The following GOPC variants were observed in gnomAD, a reference collection of about 807,000 sequenced individuals.
GOPC encodes the protein Golgi-associated PDZ and coiled-coil motif-containing protein.
GOPC carries 32 observed loss-of-function variants against 51.2 expected under a neutral mutation model. The observed-to-expected ratio is 0.63, with a 90% CI of 0.47 to 0.84. The LOEUF (loss-of-function observed/expected upper bound fraction) is 0.84, where lower values mean the gene tolerates loss of function less well. GOPC is among the 40% of genes least tolerant of loss of function. The pLI is 0.00. For missense variants in GOPC, 441 were observed against 555.5 expected (o/e 0.79, Z 2.07); for synonymous variants, 190 against 205.1 (o/e 0.93, Z 0.63).
chr6:117,595,853 G>A (rs1780189491), intron 1 of GOPC, among the ~76,000 whole-genome samples: 1 of 152,120 alleles, frequency 6.6e-6, no homozygotes, highest in Non-Finnish European at 1.5e-5. Context: ...AGTTGTGCTA[G>A]TATAAACATG....
rs1034459610 is a variant in GOPC at position 117,590,773 on chromosome 6, T to G, written c.285+11231A>C. Among the ~76,000 whole-genome samples the G allele has an allele frequency of 2.5e-4, 38 of 152,094 alleles. 2 individuals are homozygous for G. Among genetic ancestry groups the G allele is most frequent in the African/African-American group, 9.2e-4 (38 of 41,410 alleles). On this transcript the variant is annotated intron_variant, in intron 1 of 8. Transcript: ENST00000368498. ...GGGAAAGGTGAGATATGAAAACACC[T>G]GACAGGTGAAACAGGGAATAACTAG... is the stretch of plus-strand genomic sequence containing the variant.
In GOPC at chr6:117,562,031, A is replaced by C. The variant is rs531483614; in HGVS notation, c.*1223T>G. The C allele has an allele frequency of 1.2e-3, 252 of 206,274 alleles. No individual in the cohort carries two copies. Among genetic ancestry groups the C allele is most frequent in the African/African-American group, 5.4e-3 (239 of 43,952 alleles). 12.8% of individuals were successfully genotyped at this position (206,274 alleles called of 1,614,324 possible). A position where few individuals can be genotyped will look rare whatever the true frequency, so the allele number is the denominator to read the frequency against. ...TAACTGTACGTCCTTTAAAACAGTG[A>C]TATTAGCAAAGCTATCACCTCTTTA... On this transcript the variant is annotated 3_prime_UTR_variant, in exon 9 of 9. Coordinates refer to ENST00000368498, the MANE Select transcript of GOPC (RefSeq NM_020399.4).
chr6:117,574,352 A>C (rs1460889829), intron 4 of GOPC, among the ~76,000 whole-genome samples: 8 of 152,248 alleles, frequency 5.3e-5, no homozygotes, highest in Admixed American at 4.6e-4. Context: ...CATTAAAAGA[A>C]TATGCACAAA....
chr6:117,597,873 A>C lies in GOPC; in HGVS notation c.285+4131T>G, dbSNP rs1280952460. 2.0e-5 allele frequency among the ~76,000 whole-genome samples: 3 copies of C among 152,064 alleles called. No homozygotes were observed. The South Asian group carries it at 6.2e-4, about 32-fold the overall frequency. On this transcript the variant is annotated intron_variant, in intron 1 of 8. Coordinates refer to ENST00000368498, the MANE Select transcript of GOPC (RefSeq NM_020399.4). ...AATAGCCAAGATACGGAAGCAATCT[A>C]TATTTCCACAACAGATGAAAAGATT...
chr6:117,564,878 G>A (rs1779662855), intron 8 of GOPC, among the ~76,000 whole-genome samples: 1 of 152,148 alleles, frequency 6.6e-6, no homozygotes. Context: ...TGCTATCTTT[G>A]TGCAGACAGT....
intron 1 of GOPC, among the ~76,000 whole-genome samples, chr6:117,590,571 CA>C (rs563071906): frequency 0.026 from 1,813 of 69,510 alleles, 1 homozygote; most frequent in Middle Eastern, 0.042. Flanking sequence ...GACCCTGTCT[CA>C]AAAAAAAAAA....
intron 1 of GOPC, among the ~76,000 whole-genome samples, chr6:117,598,689 G>A (rs1771929004): frequency 6.6e-6 from 1 of 152,174 alleles, no homozygotes; most frequent in African/African-American, 2.4e-5. Flanking sequence ...TTTGACAGGA[G>A]CCAGAGGTCA....
chr6:117,575,162 C>A lies in GOPC; in HGVS notation c.650+15G>T. Reference sequence around the variant, plus strand: ...TTGTCACTTAAGAGTACAATAATACCCATTTTTTACACACCTTCCTGCCAG... The same window carrying A: ...TTGTCACTTAAGAGTACAATAATACACATTTTTTACACACCTTCCTGCCAG... On this transcript the variant is annotated intron_variant, in intron 4 of 8. Transcript: ENST00000368498. The A allele has an allele frequency of 6.4e-7, 1 of 1,574,602 alleles. No individual in the cohort carries two copies. The highest frequency in any genetic ancestry group is 8.6e-7 in the Non-Finnish European group (1 of 1,161,926).
rs566150638 is a variant in GOPC, at chr6:117,564,490, C to G, written c.1259-1106G>C. Among the ~76,000 whole-genome samples the G allele has an allele frequency of 3.3e-5, 5 of 152,186 alleles. No individual in the cohort carries two copies. The South Asian group carries it at 1.0e-3, about 32-fold the overall frequency. On this transcript the variant is annotated intron_variant, in intron 8 of 8. Transcript: ENST00000368498. ...AAAACTTAAAACGAATTCTGATCAT[C>G]TATAAAATAAATAATAGGCTTATAA...
At chr6:117,565,525 A>G (rs1422582827) in intron 8 of GOPC, among the ~76,000 whole-genome samples, 2 of 152,176 alleles carry the variant, frequency 1.3e-5, no homozygotes. Flanking sequence ...TTTACTGGTG[A>G]TTTGAAAAAT....
intron 4 of GOPC, among the ~76,000 whole-genome samples, chr6:117,573,844 T>A (rs886490567): frequency 6.6e-5 from 10 of 152,038 alleles, no homozygotes; most frequent in African/African-American, 2.2e-4. Context: ...GTAAAAAAAA[T>A]TTTTAAAGGA....
chr6:117,597,649 C>A (rs1780220278), intron 1 of GOPC, among the ~76,000 whole-genome samples: 1 of 152,116 alleles, frequency 6.6e-6, no homozygotes, highest in African/African-American at 2.4e-5. Context: ...TTCCATTCTC[C>A]TCAGATATGA....
At position 117,593,933 on chromosome 6, in the gene GOPC, C is replaced by T. The variant is rs887350472; in HGVS notation, c.285+8071G>A. On this transcript the variant is annotated intron_variant, in intron 1 of 8. Coordinates refer to ENST00000368498, the MANE Select transcript of GOPC (RefSeq NM_020399.4). ...CTTCTCCTACCTCTATTATCTTACT[C>T]CACACTATCATAATCTCACATAAAC... Among the ~76,000 whole-genome samples the T allele has an allele frequency of 7.9e-5, 12 of 152,204 alleles. No homozygotes were observed. The East Asian group carries it at 9.6e-4, about 12-fold the overall frequency.
intron 7 of GOPC, 27 bp downstream of exon 7, chr6:117,569,545 A>G (rs1165648500): frequency 1.9e-6 from 3 of 1,609,480 alleles, no homozygotes; most frequent in Non-Finnish European, 2.5e-6. Context: ...TGATAGATCC[A>G]GTTCTAATTA....
At chr6:117,570,838 T>A (rs780488112) in intron 6 of GOPC, 22 bp downstream of exon 6, 6 of 1,124,390 alleles carry the variant, frequency 5.3e-6, no homozygotes, top group African/African-American at 4.7e-5. Context: ...TAGAAAATGA[T>A]ACTGGAAGTA....
At chr6:117,572,931 G>A (rs1474595693) in intron 5 of GOPC, among the ~76,000 whole-genome samples, 12 of 152,326 alleles carry the variant, frequency 7.9e-5, no homozygotes. Flanking sequence ...CAGCTGTTAT[G>A]ATAAAATTCA....
intron 1 of GOPC, among the ~76,000 whole-genome samples, chr6:117,588,723 TAA>T (rs1327941950): frequency 1.3e-5 from 2 of 151,604 alleles, no homozygotes; most frequent in Non-Finnish European, 2.9e-5. Context: ...AATGATGTAA[TAA>T]AGTTTTCTCA....
intron 1 of GOPC, among the ~76,000 whole-genome samples, chr6:117,598,741 C>A (rs1040642076): frequency 6.6e-6 from 1 of 152,172 alleles, no homozygotes; most frequent in Non-Finnish European, 1.5e-5. Flanking sequence ...TCCTGCTGTT[C>A]AGCCAGTTCC....
In GOPC at chr6:117,560,752, C is replaced by T. The variant is rs187005703; in HGVS notation, c.*2502G>A. ...TAGAGGTTAAGTGTAAATATATACA[C>T]GCACACATACAACCCTCACATTTTA... On this transcript the variant is annotated 3_prime_UTR_variant, in exon 9 of 9. Coordinates refer to ENST00000368498, the MANE Select transcript of GOPC (RefSeq NM_020399.4). 6.8e-5 allele frequency: 14 copies of T among 205,902 alleles called. No individual in the cohort carries two copies. Among genetic ancestry groups the T allele is most frequent in the South Asian group, 1.9e-4 (1 of 5,270 alleles). The allele number at this position is 205,902 out of a possible 1,614,324, so 12.8% of individuals were successfully genotyped here.
Sources: allele counts gnomAD v4.1 joint callset (sites outside exome capture counted in the v4.1 genomes callset), GRCh38; gene constraint gnomAD v4.1.1; transcripts MANE v1.5; gene names NCBI Gene and HGNC (gene_info 2026-07-23, HGNC 2026-07-21).